COL6A6: variants seen among roughly 807,000 people sequenced by gnomAD.
COL6A6 encodes collagen type VI alpha 6 chain.
Under a neutral mutation model 208.6 loss-of-function variants are expected in COL6A6, and 183 were observed. The ratio of observed to expected loss-of-function variants is 0.88; its 90% confidence interval spans 0.78 to 0.99. The LOEUF is 0.99. COL6A6 is among the 50% of genes least tolerant of loss of function. The probability of loss-of-function intolerance (pLI) is 0.00; values close to 1 mark genes in which losing one functional copy is unlikely to be tolerated. For synonymous variants in COL6A6, 973 were observed against 1,011.8 expected (o/e 0.96, Z 0.73); for missense variants, 2,816 against 2,815.2 (o/e 1.00, Z -0.01).
chr3:130,652,258 T>C (rs977343138), intron 33 of COL6A6, among the ~76,000 whole-genome samples: 1 of 152,186 alleles, frequency 6.6e-6, no homozygotes, highest in Non-Finnish European at 1.5e-5. Flanking sequence ...AGTTTAATAA[T>C]GTGTGAGATG....
At position 130,634,625 on chromosome 3, in the gene COL6A6, GGTACC is replaced by G; in HGVS notation, c.5028+3_5028+7del. ...GATTCCCTGGAGAAAGTGGACCTAA[GGTACC>G]GTGTGCTTCCTAGTAACTAGAGATC... is the stretch of plus-strand genomic sequence containing the variant. On this transcript the variant is annotated splice_donor_variant and splice_donor_5th_base_variant and intron_variant, in intron 27 of 36. Coordinates refer to ENST00000358511, the MANE Select transcript of COL6A6 (RefSeq NM_001102608.3). LOFTEE classifies it high-confidence loss of function. The G allele has an allele frequency of 6.2e-7, 1 of 1,606,446 alleles. No homozygotes were observed. The highest frequency in any genetic ancestry group is 8.5e-7 in the Non-Finnish European group (1 of 1,175,990).
chr3:130,675,713 TG>T lies in COL6A6; in HGVS notation c.*317del, dbSNP rs2066343104. On this transcript the variant is annotated 3_prime_UTR_variant, in exon 37 of 37. Transcript: ENST00000358511. ...GTATGCATATGTGTACATGGGTCAATGTTAATTCTTTTATCTCTGTCCAGTT... is the reference window on the plus strand; with the variant it reads ...GTATGCATATGTGTACATGGGTCAATTTAATTCTTTTATCTCTGTCCAGTT... 5.1e-6 allele frequency: 1 copy of T among 196,636 alleles called. No individual in the cohort carries two copies. Among genetic ancestry groups the T allele is most frequent in the South Asian group, 1.9e-4 (1 of 5,370 alleles). The allele number at this position is 196,636 out of a possible 1,614,324, so 12.2% of individuals were successfully genotyped here. A position where few individuals can be genotyped will look rare whatever the true frequency, so the allele number is the denominator to read the frequency against.
At chr3:130,667,369 T>C (rs1467241663) in intron 36 of COL6A6, among the ~76,000 whole-genome samples, 3 of 152,154 alleles carry the variant, frequency 2.0e-5, no homozygotes, top group Non-Finnish European at 4.4e-5. Context: ...CCCAAGTAGC[T>C]GGGATTACAG....
chr3:130,642,732 C>G, intron 29 of COL6A6, 100 bp from the exon 30 acceptor site: 1 of 1,055,188 alleles, frequency 9.5e-7, no homozygotes, highest in South Asian at 1.6e-5. Flanking sequence ...GAGAATAAAA[C>G]TTTTAAAAGT....
intron 36 of COL6A6, among the ~76,000 whole-genome samples, chr3:130,673,507 G>A (rs549823396): frequency 1.6e-4 from 24 of 152,224 alleles, no homozygotes; most frequent in African/African-American, 5.1e-4. Flanking sequence ...GCAGCGTGAA[G>A]GGGCTAGGGA....
At chr3:130,555,040 G>C (rs551387149) in intron 1 of COL6A6, among the ~76,000 whole-genome samples, 1 of 152,262 alleles carries the variant, frequency 6.6e-6, no homozygotes, top group Non-Finnish European at 1.5e-5. Flanking sequence ...CAATGTTGCC[G>C]TACTCTGTTC....
rs369385375 is a variant in COL6A6, at chr3:130,518,667, C to G, written c.-32+1270C>G. On this transcript the variant is annotated intron_variant, in intron 1 of 36. Coordinates refer to ENST00000358511, the MANE Select transcript of COL6A6 (RefSeq NM_001102608.3). ...GATTACAGGCATGAGCCACCATGCC[C>G]GGCTAATTTTGTATTTTTAGTAGAG... is the stretch of plus-strand genomic sequence containing the variant. Among the ~76,000 whole-genome samples, 17 of 152,262 alleles carry G rather than the reference C, an allele frequency of 1.1e-4. No individual in the cohort carries two copies. In the East Asian group the frequency reaches 3.3e-3, roughly 29 times the overall value.
chr3:130,616,020 T>A (rs538518080), intron 23 of COL6A6, among the ~76,000 whole-genome samples: 64 of 152,296 alleles, frequency 4.2e-4, no homozygotes, highest in Non-Finnish European at 7.6e-4. Context: ...TTTCTTTCTG[T>A]GCTTGGTTTT....
At chr3:130,605,236 A>G (rs1047825248) in intron 20 of COL6A6, among the ~76,000 whole-genome samples, 1 of 152,170 alleles carries the variant, frequency 6.6e-6, no homozygotes. Flanking sequence ...CCAACTGGAT[A>G]TGATTGCTTT....
At chr3:130,572,404 A>G (rs2063189509) in intron 7 of COL6A6, among the ~76,000 whole-genome samples, 1 of 150,254 alleles carries the variant, frequency 6.7e-6, no homozygotes. Flanking sequence ...TACTAAAGAT[A>G]CTAAATGTTT....
intron 17 of COL6A6, among the ~76,000 whole-genome samples, chr3:130,593,593 T>G (rs1390172904): frequency 1.3e-5 from 2 of 152,234 alleles, no homozygotes; most frequent in African/African-American, 4.8e-5. Context: ...CTCTCAGGTC[T>G]TCTTCAGACC....
At position 130,610,688 on chromosome 3, in the gene COL6A6, G is replaced by A; in HGVS notation, c.4792G>A (p.Gly1598Ser). The change falls in exon 23 of 37, where the codon GGT (glycine) becomes AGT (serine). Residue 1598 changes from glycine to serine, a missense_variant. By Grantham distance (56) the Gly-to-Ser change is moderately conservative. Coordinates refer to ENST00000358511, the MANE Select transcript of COL6A6 (RefSeq NM_001102608.3). ...GEAGVKGEKG[G>S]VGSKGPQGPP... ...GGCTGGTGTGAAAGGAGAAAAAGGA[G>A]GTGTGGGAAGTAAAGGTCCCCAGGT... The A allele has an allele frequency of 6.3e-6, 10 of 1,591,240 alleles. No individual in the cohort carries two copies. Among genetic ancestry groups the A allele is most frequent in the Non-Finnish European group, 8.6e-6 (10 of 1,168,168 alleles).
intron 11 of COL6A6, among the ~76,000 whole-genome samples, chr3:130,588,471 G>A (rs2063592593): frequency 6.6e-6 from 1 of 152,180 alleles, no homozygotes; most frequent in Non-Finnish European, 1.5e-5. Context: ...TGATATAGAT[G>A]TTTTTACCAG....
chr3:130,545,598 T>C (rs9289376), intron 1 of COL6A6, among the ~76,000 whole-genome samples: 119,924 of 151,484 alleles, frequency 0.79, 48,223 homozygotes, highest in Non-Finnish European at 0.86. Flanking sequence ...GGACTACAGA[T>C]GCCTGCCACC....
intron 18 of COL6A6, among the ~76,000 whole-genome samples, chr3:130,595,681 A>T (rs1247136922): frequency 6.6e-6 from 1 of 152,228 alleles, no homozygotes; most frequent in Non-Finnish European, 1.5e-5. Context: ...CATTGTGTGA[A>T]TATACCATGA....
In COL6A6 at chr3:130,574,216, G is replaced by T; in HGVS notation, c.3238G>T (p.Gly1080Cys). ...GCAGATCTTTGGAAACACACACATC[G>T]GTGCTGCACTCAGGGAGGTGGAACA... ...IKQIFGNTHI[G>C]AALREVEHYF... The change falls in exon 8 of 37, where the codon GGT becomes TGT. Residue 1080 changes from glycine (G) to cysteine (C), a missense_variant. Transcript: ENST00000358511. 1 of 1,613,982 alleles carries T rather than the reference G, an allele frequency of 6.2e-7. No individual in the cohort carries two copies. Among genetic ancestry groups the T allele is most frequent in the South Asian group, 1.1e-5 (1 of 91,074 alleles).
intron 30 of COL6A6, 33 bp downstream of exon 30, chr3:130,642,900 G>T: frequency 6.2e-7 from 1 of 1,613,566 alleles, no homozygotes; most frequent in African/African-American, 1.3e-5. Context: ...AGAGTGCTCT[G>T]AGTGCTCCAT....
At chr3:130,558,819 T>G (rs115420334) in intron 1 of COL6A6, among the ~76,000 whole-genome samples, 1,594 of 152,314 alleles carry the variant, frequency 0.01, 25 homozygotes, top group African/African-American at 0.037. Flanking sequence ...GTCTCTTAGT[T>G]CTTAGAAAAA....
At chr3:130,592,309 G>C (rs2063736719) in intron 13 of COL6A6, among the ~76,000 whole-genome samples, 2 of 152,182 alleles carry the variant, frequency 1.3e-5, no homozygotes, top group Non-Finnish European at 2.9e-5. Context: ...GTGACCACTT[G>C]GTGAGAGAGA....
Sources: gnomAD v4.1 joint callset for allele counts (sites outside exome capture counted in the v4.1 genomes callset) on GRCh38, gnomAD v4.1.1 for gene constraint, MANE v1.5 for transcripts, NCBI Gene and HGNC (gene_info 2026-07-23, HGNC 2026-07-21) for gene names.